Variants in NR2C2 observed in about 807,000 individuals in gnomAD.
The protein encoded by NR2C2 is nuclear receptor subfamily 2 group C member 2.
A neutral mutation model predicts 62.9 loss-of-function variants in NR2C2; 6 were observed. The observed-to-expected ratio is 0.10, with a 90% CI of 0.05 to 0.19. The LOEUF is 0.19. Ranked by LOEUF, NR2C2 falls within the 10% of genes least tolerant of loss-of-function variation. The probability of loss-of-function intolerance (pLI) is 1.00; values close to 1 mark genes in which losing one functional copy is unlikely to be tolerated. For synonymous variants in NR2C2, 272 were observed against 273.8 expected, an observed-to-expected ratio of 0.99 and a Z score of 0.07; for missense variants, 479 against 762.7, an observed-to-expected ratio of 0.63 and a Z score of 4.38.
intron 3 of NR2C2, 87 bp from the exon 4 acceptor site, chr3:15,016,065 G>A: frequency 1.0e-6 from 1 of 990,880 alleles, no homozygotes; most frequent in East Asian, 2.4e-5. Context: ...GCCTCCCAAA[G>A]TGCTGGGATT....
At chr3:15,008,534 A>C (rs1357869610) in intron 2 of NR2C2, among the ~76,000 whole-genome samples, 3 of 152,102 alleles carry the variant, frequency 2.0e-5, no homozygotes, top group African/African-American at 7.2e-5. Flanking sequence ...GAAAAAAAAA[A>C]AACAAAAACT....
At position 14,953,868 on chromosome 3, in the gene NR2C2, C is replaced by G. The variant is rs1464398786; in HGVS notation, c.-40+5962C>G. 5.5e-5 allele frequency among the ~76,000 whole-genome samples: 8 copies of G among 145,684 alleles called. No individual in the cohort carries two copies. The East Asian group carries it at 1.6e-3, about 29-fold the overall frequency. On this transcript the variant is annotated intron_variant, in intron 1 of 13. Coordinates refer to ENST00000425241, the MANE Select transcript of NR2C2 (RefSeq NM_001291694.2). ...CAAGATCACGCCACTGCACTCCAGC[C>G]TGGGCGACAGTGCGAGACTTCATCT...
chr3:14,995,838 A>G (rs2040817932), intron 1 of NR2C2, among the ~76,000 whole-genome samples: 1 of 152,108 alleles, frequency 6.6e-6, no homozygotes, highest in African/African-American at 2.4e-5. Flanking sequence ...CCTTGCTAAC[A>G]TTTGTTATCC....
intron 1 of NR2C2, among the ~76,000 whole-genome samples, chr3:15,002,008 T>G (rs1559556513): frequency 6.6e-6 from 1 of 152,210 alleles, no homozygotes; most frequent in Non-Finnish European, 1.5e-5. Context: ...GATTTTTTTC[T>G]ATATGAGATC....
intron 10 of NR2C2, among the ~76,000 whole-genome samples, chr3:15,033,264 G>A (rs1040790889): frequency 6.6e-6 from 1 of 152,338 alleles, no homozygotes; most frequent in East Asian, 1.9e-4. Flanking sequence ...CTGGTTGTCG[G>A]GCCATAAGAA....
At chr3:15,005,873 A>G (rs1310209961) in intron 2 of NR2C2, among the ~76,000 whole-genome samples, 1 of 151,970 alleles carries the variant, frequency 6.6e-6, no homozygotes, top group Admixed American at 6.6e-5. Context: ...ATGTGGATCA[A>G]TTCATATTTA....
chr3:14,962,185 C>T (rs2039706635), intron 1 of NR2C2, among the ~76,000 whole-genome samples: 2 of 152,316 alleles, frequency 1.3e-5, no homozygotes, highest in African/African-American at 4.8e-5. Context: ...CTATATTTGT[C>T]AGTGGAAGTT....
intron 7 of NR2C2, among the ~76,000 whole-genome samples, chr3:15,027,696 CAA>C (rs988984578): frequency 3.9e-5 from 6 of 152,060 alleles, no homozygotes; most frequent in African/African-American, 1.4e-4. Context: ...TTCCTGAGCT[CAA>C]GAGACCCTCC....
In NR2C2 at chr3:15,028,707, G is replaced by C. The variant is rs748884723; in HGVS notation, c.920G>C (p.Ser307Thr). The change falls in exon 8 of 14, where the codon AGT (serine) becomes ACT (threonine). Residue 307 changes from serine to threonine, a missense_variant. Ser to Thr is a moderately conservative substitution (Grantham distance 58). Coordinates refer to ENST00000425241, the MANE Select transcript of NR2C2 (RefSeq NM_001291694.2). ...SEIQPEDQSA[S>T]EITRAFDTLA... ...ATCCAGCCAGAGGACCAGTCTGCAA[G>C]TGAGATAACTCGGTACGAGCCCATG... The C allele has an allele frequency of 2.5e-6, 4 of 1,614,070 alleles. No homozygotes were observed. In the South Asian group the frequency reaches 4.4e-5, roughly 18 times the overall value.
chr3:15,031,033 C>G (rs999301597), intron 9 of NR2C2, among the ~76,000 whole-genome samples: 1 of 152,194 alleles, frequency 6.6e-6, no homozygotes, highest in Non-Finnish European at 1.5e-5. Context: ...GACAGGCTGA[C>G]ATAGTGGTAA....
In NR2C2 at chr3:15,048,322, A is replaced by G. The variant is rs1440908533; in HGVS notation, c.*5314A>G. ...CTATTGAAAGTGGCTTTCTAGTTAAAATGCAATTGGAAACTTGACAGTCTC... is the reference window on the plus strand; with the variant it reads ...CTATTGAAAGTGGCTTTCTAGTTAAGATGCAATTGGAAACTTGACAGTCTC... On this transcript the variant is annotated 3_prime_UTR_variant, in exon 14 of 14. Transcript: ENST00000425241. The G allele has an allele frequency of 6.6e-6, 1 of 152,634 alleles. No homozygotes were observed. Among genetic ancestry groups the G allele is most frequent in the African/African-American group, 2.4e-5 (1 of 41,438 alleles). The allele number at this position is 152,634 out of a possible 1,614,324, so 9.5% of individuals were successfully genotyped here. A position where few individuals can be genotyped will look rare whatever the true frequency, so the allele number is the denominator to read the frequency against.
At chr3:15,014,677 C>T (rs2041456514) in intron 3 of NR2C2, among the ~76,000 whole-genome samples, 2 of 152,074 alleles carry the variant, frequency 1.3e-5, no homozygotes. Flanking sequence ...CCCTGGTGAC[C>T]ACCATTCTAC....
chr3:15,048,727 G>A lies in NR2C2; in HGVS notation c.*5719G>A, dbSNP rs1236671907. Reference sequence around the variant, plus strand: ...TTTTTCTACAGTCTCTCTGTTCTACGGATTATCTTGTAAACCAGTGTTCAA... The same window carrying A: ...TTTTTCTACAGTCTCTCTGTTCTACAGATTATCTTGTAAACCAGTGTTCAA... On this transcript the variant is annotated 3_prime_UTR_variant, in exon 14 of 14. Coordinates refer to ENST00000425241, the MANE Select transcript of NR2C2 (RefSeq NM_001291694.2). The A allele has an allele frequency of 5.9e-5, 9 of 152,550 alleles. No individual in the cohort carries two copies. The East Asian group carries it at 1.5e-3, about 26-fold the overall frequency. 9.4% of individuals were successfully genotyped at this position (152,550 alleles called of 1,614,324 possible). A position where few individuals can be genotyped will look rare whatever the true frequency, so the allele number is the denominator to read the frequency against.
rs1178656238 is a variant in NR2C2, at chr3:15,037,987, T to C, written c.1373-13T>C. 40 of 1,611,258 alleles carry C rather than the reference T, an allele frequency of 2.5e-5. No individual in the cohort carries two copies. The highest frequency in any genetic ancestry group is 3.1e-5 in the Non-Finnish European group (36 of 1,178,524). On this transcript the variant is annotated splice_polypyrimidine_tract_variant and intron_variant, in intron 11 of 13. Coordinates refer to ENST00000425241, the MANE Select transcript of NR2C2 (RefSeq NM_001291694.2). ...TACCAGCCTTTCTCAGGATCTGTGA[T>C]GTTGGTTTCTAGATAAACTTTCTGG...
chr3:14,951,614 A>G (rs936228759), intron 1 of NR2C2, among the ~76,000 whole-genome samples: 8 of 152,134 alleles, frequency 5.3e-5, no homozygotes, highest in African/African-American at 1.4e-4. Context: ...GTTGTCTTAC[A>G]TCGTTAAGTT....
rs1039939771 is a variant in NR2C2 at position 14,950,342 on chromosome 3, T to G, written c.-40+2436T>G. On this transcript the variant is annotated intron_variant, in intron 1 of 13. Coordinates refer to ENST00000425241, the MANE Select transcript of NR2C2 (RefSeq NM_001291694.2). Reference sequence around the variant, plus strand: ...GTGCTTTATGATTTACAGAACTCTCTTACAGGCAGTATGTTGTTCAGGCGC... The same window carrying G: ...GTGCTTTATGATTTACAGAACTCTCGTACAGGCAGTATGTTGTTCAGGCGC... Among the ~76,000 whole-genome samples, 7 of 152,232 alleles carry G rather than the reference T, an allele frequency of 4.6e-5. 1 individual carries two copies. Among genetic ancestry groups the G allele is most frequent in the Admixed American group, 4.6e-4 (7 of 15,280 alleles).
At chr3:14,980,164 G>A (rs1017876186) in intron 1 of NR2C2, among the ~76,000 whole-genome samples, 1 of 151,974 alleles carries the variant, frequency 6.6e-6, no homozygotes, top group Admixed American at 6.6e-5. Context: ...GGTTGGGGGT[G>A]TTAGGGAACA....
intron 1 of NR2C2, among the ~76,000 whole-genome samples, chr3:14,972,321 C>T (rs1447105469): frequency 2.0e-5 from 3 of 151,892 alleles, no homozygotes; most frequent in African/African-American, 4.8e-5. Context: ...ATTACAGGCG[C>T]ACACCACCAC....
intron 13 of NR2C2, among the ~76,000 whole-genome samples, chr3:15,040,640 C>G (rs981113875): frequency 6.6e-6 from 1 of 152,240 alleles, no homozygotes; most frequent in African/African-American, 2.4e-5. Context: ...TTATGGCTGG[C>G]TGGTCCTGCT....
Sources: allele counts gnomAD v4.1 joint callset (sites outside exome capture counted in the v4.1 genomes callset), GRCh38; gene constraint gnomAD v4.1.1; transcripts MANE v1.5; gene names NCBI Gene and HGNC (gene_info 2026-07-23, HGNC 2026-07-21).